Variants in FMNL3 observed in about 807,000 individuals in gnomAD.
FMNL3 encodes formin like 3.
A neutral mutation model predicts 119.6 loss-of-function variants in FMNL3; 57 were observed. The observed-to-expected ratio is 0.48, with a 90% CI of 0.39 to 0.59. The LOEUF (loss-of-function observed/expected upper bound fraction) is 0.59, where lower values mean the gene tolerates loss of function less well. Ranked by LOEUF, FMNL3 falls within the 20% of genes least tolerant of loss-of-function variation. The pLI is 0.00. For synonymous variants in FMNL3, 491 were observed against 507.3 expected, an observed-to-expected ratio of 0.97 and a Z score of 0.43; for missense variants, 1,053 against 1,323.5, an observed-to-expected ratio of 0.80 and a Z score of 3.17.
chr12:49,699,213 G>C (rs991096450), intron 1 of FMNL3, among the ~76,000 whole-genome samples: 1 of 152,288 alleles, frequency 6.6e-6, no homozygotes, highest in Middle Eastern at 3.4e-3. Flanking sequence ...ACTTCAGGCA[G>C]CCAACACTGC....
At position 49,645,821 on chromosome 12, in the gene FMNL3, G is replaced by T; in HGVS notation, c.3078C>A (p.Pro1026=). Reference sequence around the variant, plus strand: ...TTCTGCCTCCGAGAGGGTCTCAGTGGGGGCCTGGAGCCCGAGGGGGACCAC... The same window carrying T: ...TTCTGCCTCCGAGAGGGTCTCAGTGTGGGCCTGGAGCCCGAGGGGGACCAC... ...PPSGPPRAPG[P]H is the part of the protein sequence containing the mutation. Residue 1026 remains proline, a synonymous_variant, in exon 26 of 26, where the codon CCC becomes CCA. Coordinates refer to ENST00000335154, the MANE Select transcript of FMNL3 (RefSeq NM_175736.5). The T allele has an allele frequency of 6.2e-7, 1 of 1,601,270 alleles. No individual in the cohort carries two copies. Among genetic ancestry groups the T allele is most frequent in the Non-Finnish European group, 8.5e-7 (1 of 1,175,992 alleles).
intron 5 of FMNL3, 144 bp from the exon 6 acceptor site, chr12:49,658,738 T>C: frequency 1.0e-6 from 1 of 987,144 alleles, no homozygotes; most frequent in Non-Finnish European, 1.4e-6. Context: ...AAAGCAGAAC[T>C]GGGGAGCAGA....
At chr12:49,700,307 G>A (rs1400117963) in intron 1 of FMNL3, among the ~76,000 whole-genome samples, 4 of 150,596 alleles carry the variant, frequency 2.7e-5, no homozygotes, top group Non-Finnish European at 2.9e-5. Context: ...CAGAAGAATG[G>A]TGTGAACCCG....
rs140773805 is a variant in FMNL3 at position 49,643,321 on chromosome 12, C to T, written c.*2494G>A. 2.2e-5 allele frequency: 36 copies of T among 1,609,718 alleles called. No homozygotes were observed. In the African/African-American group the frequency reaches 4.6e-4, roughly 20 times the overall value. ...CAGAGTCAGGCTCTGAGCCCTCTTC[C>T]TCACTTGATTCAGTTGAAAGTGGGG... On this transcript the variant is annotated 3_prime_UTR_variant, in exon 26 of 26. Coordinates refer to ENST00000335154, the MANE Select transcript of FMNL3 (RefSeq NM_175736.5).
chr12:49,647,878 C>T lies in FMNL3; in HGVS notation c.2677-74G>A, dbSNP rs1943259241. The T allele has an allele frequency of 2.4e-6, 3 of 1,240,572 alleles. No homozygotes were observed. The highest frequency in any genetic ancestry group is 3.5e-6 in the Non-Finnish European group (3 of 854,682). The allele number at this position is 1,240,572 out of a possible 1,614,324, so 76.8% of individuals were successfully genotyped here. On this transcript the variant is annotated intron_variant, in intron 22 of 25. Transcript: ENST00000335154. This position sits in a 1 kb window ranked among gnomAD's most constrained non-coding sequence, Gnocchi z 4.9. The stretch of plus-strand genomic sequence containing the variant: ...CAGCTCCCACACCACGGATGAGAGG[C>T]CTGCAGAAAGCAGAGCCCAGGGCCA...
At chr12:49,672,175 A>G (rs767164977) in intron 1 of FMNL3, among the ~76,000 whole-genome samples, 1 of 151,252 alleles carries the variant, frequency 6.6e-6, no homozygotes. Context: ...CCTCCATCCC[A>G]CCTTCAGCAA....
chr12:49,681,266 T>A (rs547285876), intron 1 of FMNL3, among the ~76,000 whole-genome samples: 1 of 152,228 alleles, frequency 6.6e-6, no homozygotes, highest in East Asian at 1.9e-4. Context: ...AGTGGCGCGA[T>A]TTCAGCTCAC....
intron 16 of FMNL3, 72 bp from the exon 17 acceptor site, chr12:49,650,950 A>C: frequency 1.9e-6 from 3 of 1,558,936 alleles, no homozygotes; most frequent in Admixed American, 3.4e-5. Flanking sequence ...CAGCCCACCC[A>C]GCATTGGCCC....
At chr12:49,674,464 C>T (rs117322902) in intron 1 of FMNL3, among the ~76,000 whole-genome samples, 1 of 152,230 alleles carries the variant, frequency 6.6e-6, no homozygotes, top group Non-Finnish European at 1.5e-5. Context: ...TCCTGCCAAA[C>T]TCTACAGCCT....
At position 49,654,966 on chromosome 12, in the gene FMNL3, G is replaced by A. The variant is rs746326397; in HGVS notation, c.904C>T (p.Arg302Cys). Reference protein sequence around the residue: ...NFKEVCKELHRFEKLMEYFRN... With the variant: ...NFKEVCKELHCFEKLMEYFRN... ...AAATACTCCATCAGCTTCTCAAAGC[G>A]GTGCAGCTCCTTGCATACCTGAATG... The change falls in exon 10 of 26, where the codon CGC (arginine) becomes TGC (cysteine). Residue 302 changes from arginine (R) to cysteine (C), a missense_variant. Coordinates refer to ENST00000335154, the MANE Select transcript of FMNL3 (RefSeq NM_175736.5). 1.4e-5 allele frequency: 22 copies of A among 1,614,018 alleles called. No individual in the cohort carries two copies. Among genetic ancestry groups the A allele is most frequent in the East Asian group, 2.2e-5 (1 of 44,886 alleles).
chr12:49,693,598 G>A (rs953060156), intron 1 of FMNL3, among the ~76,000 whole-genome samples: 1 of 146,738 alleles, frequency 6.8e-6, no homozygotes, highest in African/African-American at 2.6e-5. Flanking sequence ...TGAACTCCTG[G>A]GCTGAAGTGA....
Position 49,642,687 on chromosome 12 carries a change from T to C in FMNL3, c.*3128A>G, listed in dbSNP as rs1942834185. 6.2e-7 allele frequency: 1 copy of C among 1,612,408 alleles called. No homozygotes were observed. The highest frequency in any genetic ancestry group is 8.5e-7 in the Non-Finnish European group (1 of 1,179,154). Reference sequence around the variant, plus strand: ...TACAGGTGCTGGAGGTGAGGCAGGCTTGTCCTCTGGATCTGCCTCAGGCCC... The same window carrying C: ...TACAGGTGCTGGAGGTGAGGCAGGCCTGTCCTCTGGATCTGCCTCAGGCCC... On this transcript the variant is annotated 3_prime_UTR_variant, in exon 26 of 26. Transcript: ENST00000335154. The surrounding 1 kb of genome is among the most constrained non-coding windows in gnomAD (Gnocchi z 5.8).
At chr12:49,685,665 A>G (rs1000972703) in intron 1 of FMNL3, among the ~76,000 whole-genome samples, 15 of 152,256 alleles carry the variant, frequency 9.9e-5, no homozygotes, top group African/African-American at 3.6e-4. Context: ...TTCAAGGTAC[A>G]GAAAAACAGT....
chr12:49,703,523 A>T (rs1180995232), intron 1 of FMNL3, among the ~76,000 whole-genome samples: 1 of 152,158 alleles, frequency 6.6e-6, no homozygotes, highest in African/African-American at 2.4e-5. Context: ...CCATCGAGGC[A>T]CACCTAGAAA....
At chr12:49,653,935 T>C (rs1943486846) in intron 11 of FMNL3, 61 bp from the exon 12 acceptor site, 1 of 1,583,342 alleles carries the variant, frequency 6.3e-7, no homozygotes, top group Non-Finnish European at 8.6e-7. Context: ...AGGGGAACTT[T>C]CTGAGAAAGT....
chr12:49,648,038 A>T (rs1208620690), intron 22 of FMNL3, among the ~76,000 whole-genome samples, 155 bp downstream of exon 22: 1 of 149,962 alleles, frequency 6.7e-6, no homozygotes, highest in African/African-American at 2.5e-5. Flanking sequence ...ATGTCTCCAG[A>T]GGCAGCTGCC....
In FMNL3 at chr12:49,646,797, G is replaced by A. The variant is rs1167984394; in HGVS notation, c.2995+89C>T. ...ACACAGTGGTCAGGCCTCATGGGGG[G>A]TGGGGTGGGAGGAGAGCCCAAAGGG... On this transcript the variant is annotated intron_variant, in intron 25 of 25. Coordinates refer to ENST00000335154, the MANE Select transcript of FMNL3 (RefSeq NM_175736.5). The A allele has an allele frequency of 2.5e-6, 4 of 1,605,322 alleles. No homozygotes were observed. The African/African-American group carries it at 4.0e-5, about 16-fold the overall frequency.
At chr12:49,694,629 G>T (rs1944702171) in intron 1 of FMNL3, among the ~76,000 whole-genome samples, 1 of 152,108 alleles carries the variant, frequency 6.6e-6, no homozygotes, top group African/African-American at 2.4e-5. Context: ...AAGTATATCA[G>T]GACGAGTGCG....
chr12:49,650,834 C>T lies in FMNL3; in HGVS notation c.1842G>A (p.Ala614=), dbSNP rs778622208. The T allele has an allele frequency of 2.5e-5, 40 of 1,614,072 alleles. No homozygotes were observed. Among genetic ancestry groups the T allele is most frequent in the Admixed American group, 1.2e-4 (7 of 60,008 alleles). Residue 614 remains alanine, a synonymous_variant, in exon 17 of 26, where the codon GCG becomes GCA. Coordinates refer to ENST00000335154, the MANE Select transcript of FMNL3 (RefSeq NM_175736.5). ...AGATGAGGTCAAGGGCAGGGCCCTG[C>T]GCTTTTGTCTTGAATAATTCTTCAA... ...DKFEELFKTK[A]QGPALDLICS...
Sources: allele counts gnomAD v4.1 joint callset (sites outside exome capture counted in the v4.1 genomes callset), GRCh38; gene constraint gnomAD v4.1.1; non-coding constraint Gnocchi (gnomAD v3.1); transcripts MANE v1.5; gene names NCBI Gene and HGNC (gene_info 2026-07-23, HGNC 2026-07-21).